RGS6: variants seen among roughly 807,000 people sequenced by gnomAD.
The protein encoded by RGS6 is regulator of G protein signaling 6.
In RGS6, 30 loss-of-function variants were observed where a neutral mutation model predicts 78.5. The ratio of observed to expected loss-of-function variants is 0.38; its 90% CI spans 0.29 to 0.52. The LOEUF (loss-of-function observed/expected upper bound fraction) is 0.52, where lower values mean the gene tolerates loss of function less well. Ranked by LOEUF, RGS6 falls within the 20% of genes least tolerant of loss-of-function variation. The pLI, the probability that RGS6 is intolerant of heterozygous loss-of-function variation, is 0.85. For synonymous variants in RGS6, 206 were observed against 206.0 expected (o/e 1.00, Z 0.00); for missense variants, 495 against 609.7 (o/e 0.81, Z 1.98).
At chr14:72,056,035 A>G (rs918106002) in intron 2 of RGS6, among the ~76,000 whole-genome samples, 5 of 152,212 alleles carry the variant, frequency 3.3e-5, no homozygotes, top group Middle Eastern at 3.2e-3. Context: ...TTTGTTTTAC[A>G]ATGCGGATTT....
intron 2 of RGS6, among the ~76,000 whole-genome samples, chr14:71,985,706 C>T (rs867956484): frequency 3.3e-5 from 5 of 152,078 alleles, no homozygotes; most frequent in Non-Finnish European, 7.4e-5. Context: ...ACCTCTAAAC[C>T]GCATCCCCAT....
intron 2 of RGS6, among the ~76,000 whole-genome samples, chr14:72,278,638 A>C (rs915140433): frequency 5.3e-5 from 8 of 152,198 alleles, no homozygotes; most frequent in Middle Eastern, 3.2e-3. Context: ...CTTAGAAATA[A>C]ATACGGAATT....
At chr14:72,169,386 G>A (rs577287381) in intron 2 of RGS6, among the ~76,000 whole-genome samples, 22 of 152,318 alleles carry the variant, frequency 1.4e-4, no homozygotes, top group African/African-American at 5.3e-4. Context: ...GAAACTTTTA[G>A]AGAGTCCCTT....
At position 72,508,562 on chromosome 14, in the gene RGS6, C is replaced by CTT. The variant is rs61097187; in HGVS notation, c.966-1562_966-1561dup. 5.3e-3 allele frequency among the ~76,000 whole-genome samples: 297 copies of CTT among 56,466 alleles called. 14 individuals are homozygous for CTT. The highest frequency in any genetic ancestry group is 0.014 in the African/African-American group (170 of 12,224). 37.0% of individuals were successfully genotyped at this position (56,466 alleles called of 152,430 possible). A position where few individuals can be genotyped will look rare whatever the true frequency, so the allele number is the denominator to read the frequency against. The stretch of plus-strand genomic sequence containing the variant: ...CCAAGCTTTCCACGCACACAAGCTC[C>CTT]TTTTTTTTTTTTTTTTTTTTTTTTT... On this transcript the variant is annotated intron_variant, in intron 13 of 17. Coordinates refer to ENST00000553525, the MANE Select transcript of RGS6 (RefSeq NM_001204424.2).
At chr14:72,577,841 G>A in the RGS6 span, among the ~76,000 whole-genome samples, 12 of 152,186 alleles carry the variant, frequency 7.9e-5, no homozygotes, top group African/African-American at 1.2e-4. Flanking sequence ...CTGAGCCATC[G>A]GCCCCAGTAA....
chr14:71,997,004 C>G (rs1390933021), intron 2 of RGS6, among the ~76,000 whole-genome samples: 3 of 152,042 alleles, frequency 2.0e-5, no homozygotes, highest in Non-Finnish European at 4.4e-5. Flanking sequence ...TATGCATGAT[C>G]CAAGGTGCAG....
At chr14:72,326,313 A>G (rs921486663) in intron 2 of RGS6, among the ~76,000 whole-genome samples, 1 of 152,230 alleles carries the variant, frequency 6.6e-6, no homozygotes, top group Non-Finnish European at 1.5e-5. Context: ...AATAATTATT[A>G]TATAAATATA....
chr14:72,491,070 T>C (rs2096571653), intron 12 of RGS6, among the ~76,000 whole-genome samples: 1 of 152,222 alleles, frequency 6.6e-6, no homozygotes, highest in Non-Finnish European at 1.5e-5. Flanking sequence ...CTCTGCCTGT[T>C]CAGCATTAAG....
intron 14 of RGS6, among the ~76,000 whole-genome samples, chr14:72,514,765 A>G (rs571709238): frequency 6.6e-6 from 1 of 152,300 alleles, no homozygotes; most frequent in Non-Finnish European, 1.5e-5. Context: ...TCAGTGCAGG[A>G]TGGATGGATT....
intron 2 of RGS6, among the ~76,000 whole-genome samples, chr14:72,025,693 A>G (rs747589164): frequency 2.6e-5 from 4 of 152,198 alleles, no homozygotes; most frequent in Non-Finnish European, 4.4e-5. Context: ...TACATGATTA[A>G]TATTTTTGAC....
the RGS6 span, chr14:72,612,706 C>T: frequency 2.1e-6 from 1 of 465,262 alleles, no homozygotes; most frequent in African/African-American, 2.0e-5. Flanking sequence ...AGCTTTGCAT[C>T]CCTTTGATAG....
At chr14:72,473,893 A>G (rs1369334032) in intron 9 of RGS6, 1 of 152,262 alleles carries the variant, frequency 6.6e-6, no homozygotes, top group Non-Finnish European at 1.5e-5. Flanking sequence ...AAGGCACATC[A>G]GAGAATGGTG....
chr14:72,561,204 C>A (rs1184494890), intron 17 of RGS6, among the ~76,000 whole-genome samples: 1 of 152,192 alleles, frequency 6.6e-6, no homozygotes, highest in Non-Finnish European at 1.5e-5. Context: ...AGCTTACACG[C>A]AGCCAAGCCC....
Position 72,540,061 on chromosome 14 carries a change from T to C in RGS6, c.1389T>C (p.Arg463=). Residue 463 remains arginine, a synonymous_variant, in exon 17 of 18, where the codon CGT becomes CGC. Transcript: ENST00000553525. ...TAAAGCCAGAAAGTGAGCAAGGTCG[T>C]AGAACTTCCCTAGAAAAGTTCACTC... ...AKKKPESEQG[R]RTSLEKFTRS... 2 of 1,587,720 alleles carry C rather than the reference T, an allele frequency of 1.3e-6. No homozygotes were observed. Among genetic ancestry groups the C allele is most frequent in the Non-Finnish European group, 1.7e-6 (2 of 1,176,470 alleles).
rs890071673 is a variant in RGS6, at chr14:72,242,844, T to C, written c.85-109251T>C. On this transcript the variant is annotated intron_variant, in intron 2 of 17. Coordinates refer to ENST00000553525, the MANE Select transcript of RGS6 (RefSeq NM_001204424.2). ...TTTCCAACTTCATTTCTTTTCTTTT[T>C]TTTTTTTTTTTTTTTTTTTTTTGAG... Among the ~76,000 whole-genome samples, 302 of 71,898 alleles carry C rather than the reference T, an allele frequency of 4.2e-3. 1 individual carries two copies. Among genetic ancestry groups the C allele is most frequent in the African/African-American group, 0.012 (297 of 24,576 alleles). The allele number at this position is 71,898 out of a possible 152,430, so 47.2% of individuals were successfully genotyped here. A position where few individuals can be genotyped will look rare whatever the true frequency, so the allele number is the denominator to read the frequency against.
At chr14:72,574,532 A>G in the RGS6 span, among the ~76,000 whole-genome samples, 1 of 152,216 alleles carries the variant, frequency 6.6e-6, no homozygotes, top group Non-Finnish European at 1.5e-5. Context: ...ATTTAAGTCT[A>G]TGAGCGCTTA....
intron 17 of RGS6, chr14:72,550,368 A>G: frequency 9.3e-7 from 1 of 1,076,226 alleles, no homozygotes; most frequent in Admixed American, 2.0e-5. Flanking sequence ...ACTTAGTGAC[A>G]GGGCTGGAGA....
intron 10 of RGS6, 35 bp from the exon 11 acceptor site, chr14:72,476,707 G>C: frequency 1.9e-6 from 3 of 1,592,786 alleles, no homozygotes; most frequent in Non-Finnish European, 2.6e-6. Flanking sequence ...CAATTCTGTG[G>C]GTGGATGATC....
chr14:72,541,568 G>C (rs2097327590), intron 17 of RGS6: 3 of 1,535,708 alleles, frequency 2.0e-6, no homozygotes, highest in Non-Finnish European at 2.6e-6. Context: ...GCCACGGGCT[G>C]TCAGAGTCAA....
Sources: allele counts gnomAD v4.1 joint callset (sites outside exome capture counted in the v4.1 genomes callset), GRCh38; gene constraint gnomAD v4.1.1; transcripts MANE v1.5; gene names NCBI Gene and HGNC (gene_info 2026-07-23, HGNC 2026-07-21).